The following EIF3B variants were observed in gnomAD, a reference collection of about 807,000 sequenced individuals.
EIF3B encodes eukaryotic translation initiation factor 3 subunit B, also known as eukaryotic translation initiation factor 3 subunit 9.
Under a neutral mutation model 104.6 loss-of-function variants are expected in EIF3B, and 10 were observed. The ratio of observed to expected loss-of-function variants is 0.10; its 90% CI spans 0.06 to 0.16. The LOEUF is 0.16. Among genes scored for constraint, EIF3B ranks in the 10% least tolerant of loss-of-function variants. The pLI is 1.00. For synonymous variants in EIF3B, 542 were observed against 417.2 expected (o/e 1.30, Z -3.65); for missense variants, 1,014 against 1,087.9 (o/e 0.93, Z 0.96).
intron 4 of EIF3B, 31 bp downstream of exon 4, chr7:2,363,158 T>C: frequency 6.2e-7 from 1 of 1,609,112 alleles, no homozygotes. Flanking sequence ...ATCTCAGTGG[T>C]TTAAAGAAAT....
At position 2,355,164 on chromosome 7, in the gene EIF3B, C is replaced by T; in HGVS notation, c.243C>T (p.Ser81=). ...AAEAEAASGP[S]ESPSPPAAEE... is the part of the protein sequence containing the mutation. ...AGGCAGAGGCGGCCTCCGGCCCGTC[C>T]GAGTCGCCCTCGCCGCCGGCCGCCG... The change falls in exon 1 of 19, where the codon TCC becomes TCT. Residue 81 remains serine (S), a synonymous_variant. Coordinates refer to ENST00000360876, the MANE Select transcript of EIF3B (RefSeq NM_001037283.2). 1 of 1,454,644 alleles carries T rather than the reference C, an allele frequency of 6.9e-7. No individual in the cohort carries two copies. Among genetic ancestry groups the T allele is most frequent in the Non-Finnish European group, 9.0e-7 (1 of 1,113,338 alleles). 90.1% of individuals were successfully genotyped at this position (1,454,644 alleles called of 1,614,324 possible).
chr7:2,378,481 TGGAGGAAGGA>T, intron 15 of EIF3B, 198 bp from the exon 16 acceptor site: 1 of 272,040 alleles, frequency 3.7e-6, no homozygotes, highest in Non-Finnish European at 6.7e-6. Context: ...CTGGGTGTCA[TGGAGGAAGGA>T]GCAGGCGCGA....
chr7:2,364,717 T>C (rs939025670), intron 6 of EIF3B, among the ~76,000 whole-genome samples, 188 bp downstream of exon 6: 4 of 152,236 alleles, frequency 2.6e-5, no homozygotes, highest in African/African-American at 9.6e-5. Flanking sequence ...CCTATACAGA[T>C]ATTTTTTCCT....
Position 2,379,508 on chromosome 7 carries a change from T to G in EIF3B, c.*11T>G. ...GGGAATCAGGAGTGACCTGGAGCAC[T>G]GTGGTGAGCGTCTGCAGGGGGCGCG... On this transcript the variant is annotated 3_prime_UTR_variant, in exon 18 of 19. Coordinates refer to ENST00000360876, the MANE Select transcript of EIF3B (RefSeq NM_001037283.2). 1 of 1,557,812 alleles carries G rather than the reference T, an allele frequency of 6.4e-7. No individual in the cohort carries two copies. Among genetic ancestry groups the G allele is most frequent in the Non-Finnish European group, 8.7e-7 (1 of 1,148,378 alleles).
At chr7:2,371,578 A>G (rs1314249075) in intron 10 of EIF3B, among the ~76,000 whole-genome samples, 199 bp from the exon 11 acceptor site, 1 of 152,172 alleles carries the variant, frequency 6.6e-6, no homozygotes, top group Non-Finnish European at 1.5e-5. Flanking sequence ...AGTGGCTTCC[A>G]GTAGACGTGG....
chr7:2,378,510 G>T, intron 15 of EIF3B, 179 bp from the exon 16 acceptor site: 1 of 543,442 alleles, frequency 1.8e-6, no homozygotes, highest in East Asian at 3.4e-5. Context: ...GAGTGCTGCT[G>T]GGAAGCTGTG....
intron 10 of EIF3B, among the ~76,000 whole-genome samples, chr7:2,370,624 G>C (rs574473901): frequency 6.6e-6 from 1 of 152,146 alleles, no homozygotes; most frequent in African/African-American, 2.4e-5. Context: ...TTTTTCGTGT[G>C]TTCAGAGTTA....
At chr7:2,377,331 C>A (rs1281164251) in intron 15 of EIF3B, among the ~76,000 whole-genome samples, 1 of 152,210 alleles carries the variant, frequency 6.6e-6, no homozygotes, top group Non-Finnish European at 1.5e-5. Flanking sequence ...ATGCCAGGGC[C>A]ATTAAAAAGT....
In EIF3B at chr7:2,369,631, G is replaced by T. The variant is rs753688567; in HGVS notation, c.1563G>T (p.Lys521Asn). ...TGGACTGCAAGCTCCATTGGCAGAA[G>T]AACGGAGACTACTTGTGTGTGAAAG... ...NVVDCKLHWQ[K>N]NGDYLCVKVD... The change falls in exon 10 of 19, where the codon AAG (lysine) becomes AAT (asparagine). Residue 521 changes from lysine to asparagine, a missense_variant. By Grantham distance (94) the Lys-to-Asn change is moderately conservative (BLOSUM62 0). Coordinates refer to ENST00000360876, the MANE Select transcript of EIF3B (RefSeq NM_001037283.2). The T allele has an allele frequency of 1.2e-6, 2 of 1,614,178 alleles. No homozygotes were observed. The highest frequency in any genetic ancestry group is 1.7e-6 in the Non-Finnish European group (2 of 1,180,038).
chr7:2,366,786 C>G, intron 8 of EIF3B, 195 bp downstream of exon 8: 1 of 800,696 alleles, frequency 1.2e-6, no homozygotes, highest in South Asian at 1.8e-5. Flanking sequence ...CTGGCGCAGC[C>G]GTGGGAAGTC....
chr7:2,372,871 A>G lies in EIF3B; in HGVS notation c.1810+76A>G. The stretch of plus-strand genomic sequence containing the variant: ...ACCCAGTCGCTGCCCAACAGTGAGC[A>G]TTTGACTGGCCTAGGACCACTGCTG... On this transcript the variant is annotated intron_variant, in intron 12 of 18. Transcript: ENST00000360876. The G allele has an allele frequency of 4.5e-6, 7 of 1,540,856 alleles. No individual in the cohort carries two copies. The South Asian group carries it at 7.4e-5, about 16-fold the overall frequency.
intron 8 of EIF3B, 48 bp downstream of exon 8, chr7:2,366,639 A>G: frequency 6.2e-7 from 1 of 1,601,498 alleles, no homozygotes; most frequent in Non-Finnish European, 8.6e-7. Context: ...CCTTGCTTGT[A>G]ACCGGGGTGT....
chr7:2,363,605 GTTATA>G, intron 4 of EIF3B, 22 bp from the exon 5 acceptor site: 1 of 1,584,910 alleles, frequency 6.3e-7, no homozygotes, highest in Non-Finnish European at 8.6e-7. Context: ...TTAATGAAAT[GTTATA>G]TTCCTTGTCT....
In EIF3B at chr7:2,371,968, C is replaced by T. The variant is rs1281347668; in HGVS notation, c.1687+119C>T. 3 of 780,396 alleles carry T rather than the reference C, an allele frequency of 3.8e-6. No homozygotes were observed. The African/African-American group carries it at 5.1e-5, about 13-fold the overall frequency. The allele number at this position is 780,396 out of a possible 1,614,324, so 48.3% of individuals were successfully genotyped here. ...GCTGAGTCAGGACTGTGAGCCCTCA[C>T]CATGAATAGTCATCTCCAGGTCACA... On this transcript the variant is annotated intron_variant, in intron 11 of 18. Transcript: ENST00000360876.
At chr7:2,359,258 G>C (rs1779613209) in intron 1 of EIF3B, among the ~76,000 whole-genome samples, 1 of 152,168 alleles carries the variant, frequency 6.6e-6, no homozygotes, top group Non-Finnish European at 1.5e-5. Flanking sequence ...TTTTGTAGAC[G>C]AGGACTTGAT....
chr7:2,367,902 C>T (rs946115457), intron 9 of EIF3B, among the ~76,000 whole-genome samples: 1 of 110,348 alleles, frequency 9.1e-6, no homozygotes, highest in Non-Finnish European at 1.7e-5. Context: ...TGTAGAGTGG[C>T]GAGATCTTGG....
At chr7:2,378,385 A>G (rs546481185) in intron 15 of EIF3B, 6 of 294,632 alleles carry the variant, frequency 2.0e-5, no homozygotes, top group East Asian at 1.2e-4. Context: ...CGCTCCTGGG[A>G]TGCTGTGTTG....
At chr7:2,358,363 C>T (rs1404859495) in intron 1 of EIF3B, among the ~76,000 whole-genome samples, 2 of 152,038 alleles carry the variant, frequency 1.3e-5, no homozygotes, top group African/African-American at 2.4e-5. Context: ...GGATTACAGG[C>T]GTGAGCCACC....
rs1780856232 is a variant in EIF3B, at chr7:2,379,158, A to G, written c.2257A>G (p.Met753Val). The change falls in exon 17 of 19, where the codon ATG becomes GTG. Residue 753 changes from methionine to valine, a missense_variant. Transcript: ENST00000360876. ...GGAATTGGTGGAGAGAAGGCGCACCATGATGGAAGATTTCCGGAAGTACCG... is the reference window on the plus strand; with the variant it reads ...GGAATTGGTGGAGAGAAGGCGCACCGTGATGGAAGATTTCCGGAAGTACCG... ...SKELVERRRT[M>V]MEDFRKYRKM... The G allele has an allele frequency of 6.2e-7, 1 of 1,614,026 alleles. No homozygotes were observed. Among genetic ancestry groups the G allele is most frequent in the Non-Finnish European group, 8.5e-7 (1 of 1,179,980 alleles).
Sources: allele counts gnomAD v4.1 joint callset (sites outside exome capture counted in the v4.1 genomes callset), GRCh38; gene constraint gnomAD v4.1.1; transcripts MANE v1.5; gene names NCBI Gene and HGNC (gene_info 2026-07-23, HGNC 2026-07-21).